The following CNOT4 variants were observed in gnomAD, a reference collection of about 807,000 sequenced individuals.
CNOT4 encodes CCR4-NOT transcription complex subunit 4.
CNOT4 carries 8 observed loss-of-function variants against 73.8 expected under a neutral mutation model. The observed-to-expected ratio is 0.11, with a 90% CI of 0.06 to 0.20. The LOEUF is 0.20. CNOT4 is among the 10% of genes least tolerant of loss of function. The pLI is 1.00. For synonymous variants in CNOT4, 293 were observed against 321.1 expected (o/e 0.91, Z 0.94); for missense variants, 564 against 883.4 (o/e 0.64, Z 4.58).
At chr7:135,429,265 G>T (rs1798684067) in intron 2 of CNOT4, among the ~76,000 whole-genome samples, 1 of 151,978 alleles carries the variant, frequency 6.6e-6, no homozygotes, top group Non-Finnish European at 1.5e-5. Flanking sequence ...TCTTTCCTAT[G>T]ATTTCCATTT....
At chr7:135,472,065 T>TG (rs1278870299) in intron 1 of CNOT4, among the ~76,000 whole-genome samples, 9 of 151,172 alleles carry the variant, frequency 6.0e-5, no homozygotes, top group Admixed American at 5.3e-4. Flanking sequence ...CCCAGCTACT[T>TG]GGGGGGCTGA....
chr7:135,497,341 G>A (rs529993666), intron 1 of CNOT4, among the ~76,000 whole-genome samples: 1 of 152,066 alleles, frequency 6.6e-6, no homozygotes, highest in South Asian at 2.1e-4. Flanking sequence ...CCCAGGAGGC[G>A]GAGGTTGTGG....
intron 1 of CNOT4, among the ~76,000 whole-genome samples, chr7:135,454,707 C>T (rs1486967106): frequency 1.3e-5 from 2 of 151,722 alleles, no homozygotes; most frequent in Admixed American, 6.6e-5. Flanking sequence ...GCCTGGGCAA[C>T]GTGGTGAAAC....
At chr7:135,468,063 A>C (rs1393427099) in intron 1 of CNOT4, among the ~76,000 whole-genome samples, 2 of 151,838 alleles carry the variant, frequency 1.3e-5, no homozygotes, top group East Asian at 3.9e-4. Context: ...AAAATACAAA[A>C]AAATTAGCCA....
intron 10 of CNOT4, among the ~76,000 whole-genome samples, chr7:135,392,268 T>G (rs59150414): frequency 6.6e-6 from 1 of 152,102 alleles, no homozygotes. Context: ...AACTATACTT[T>G]AAGTATGTGG....
At chr7:135,388,789 T>C (rs1458255303) in intron 10 of CNOT4, 1 of 1,612,154 alleles carries the variant, frequency 6.2e-7, no homozygotes, top group South Asian at 1.1e-5. Context: ...CTCTCAGTTC[T>C]GTTGTCAGGC....
At chr7:135,387,892 T>A (rs1298548998) in intron 10 of CNOT4, 5 of 965,514 alleles carry the variant, frequency 5.2e-6, no homozygotes, top group Non-Finnish European at 4.9e-6. Flanking sequence ...AGTCTCATTC[T>A]GGTCAGGTAC....
chr7:135,508,573 C>T (rs1447803987), intron 1 of CNOT4, among the ~76,000 whole-genome samples: 1 of 152,078 alleles, frequency 6.6e-6, no homozygotes, highest in Non-Finnish European at 1.5e-5. Context: ...TAACTATCAT[C>T]CTAGAAATGT....
At chr7:135,373,613 T>C (rs1446966765) in intron 10 of CNOT4, among the ~76,000 whole-genome samples, 2 of 152,236 alleles carry the variant, frequency 1.3e-5, no homozygotes, top group African/African-American at 4.8e-5. Flanking sequence ...AGTCTTGCTC[T>C]GTCACCTAGG....
intron 2 of CNOT4, among the ~76,000 whole-genome samples, chr7:135,437,513 T>C (rs1799229293): frequency 6.6e-6 from 1 of 152,188 alleles, no homozygotes; most frequent in African/African-American, 2.4e-5. Context: ...AATAATACAA[T>C]AGTTCAGAAC....
At chr7:135,411,145 G>C (rs539396800) in intron 6 of CNOT4, among the ~76,000 whole-genome samples, 20 of 151,968 alleles carry the variant, frequency 1.3e-4, no homozygotes, top group Non-Finnish European at 2.2e-4. Flanking sequence ...TCATTATCTT[G>C]ACACTAAGTA....
intron 1 of CNOT4, among the ~76,000 whole-genome samples, chr7:135,486,250 C>G (rs1010354362): frequency 6.6e-6 from 1 of 151,856 alleles, no homozygotes; most frequent in Admixed American, 6.6e-5. Context: ...ACAAAAGACA[C>G]AAACAGACAA....
intron 10 of CNOT4, among the ~76,000 whole-genome samples, chr7:135,381,340 T>A (rs1345411200): frequency 1.3e-5 from 2 of 152,186 alleles, no homozygotes; most frequent in Non-Finnish European, 2.9e-5. Flanking sequence ...CTAAACAAAC[T>A]CTTACAGAAG....
At chr7:135,488,040 G>T (rs569344465) in intron 1 of CNOT4, among the ~76,000 whole-genome samples, 8 of 150,974 alleles carry the variant, frequency 5.3e-5, no homozygotes, top group African/African-American at 2.0e-4. Context: ...CAGCCTGGGC[G>T]ACAGAGTGAG....
chr7:135,418,371 C>T (rs1367312997), intron 3 of CNOT4, among the ~76,000 whole-genome samples: 2 of 152,166 alleles, frequency 1.3e-5, no homozygotes, highest in Non-Finnish European at 2.9e-5. Context: ...ATGTCCTTCA[C>T]AGTGGGCCAA....
At chr7:135,402,112 CTT>C (rs71531849) in intron 7 of CNOT4, among the ~76,000 whole-genome samples, 15 of 142,242 alleles carry the variant, frequency 1.1e-4, no homozygotes, top group Admixed American at 1.4e-4. Flanking sequence ...AAGACTATAT[CTT>C]TTTTTTTTTT....
At chr7:135,490,453 C>T (rs1395047713) in intron 1 of CNOT4, among the ~76,000 whole-genome samples, 3 of 152,184 alleles carry the variant, frequency 2.0e-5, no homozygotes, top group African/African-American at 7.2e-5. Context: ...GAAGTAACAA[C>T]AGACCTCTTC....
At chr7:135,375,293 G>A (rs1348977539) in intron 10 of CNOT4, among the ~76,000 whole-genome samples, 1 of 152,206 alleles carries the variant, frequency 6.6e-6, no homozygotes, top group Non-Finnish European at 1.5e-5. Flanking sequence ...TCAAAGAAGT[G>A]AGGATGTTTG....
chr7:135,364,079 CCAA>C lies in CNOT4; in HGVS notation c.1628-16_1628-14del. On this transcript the variant is annotated splice_polypyrimidine_tract_variant and intron_variant, in intron 10 of 11. Transcript: ENST00000541284. This position sits in a 1 kb window ranked among gnomAD's most constrained non-coding sequence, Gnocchi z 4.3. The stretch of plus-strand genomic sequence containing the variant: ...GAACTGCTGTTGTCTGGGAGATTTA[CCAA>C]CAAAAAAATGAAAGATAAAAAAAAA... 3 of 1,526,204 alleles carry C rather than the reference CCAA, an allele frequency of 2.0e-6. No individual in the cohort carries two copies. Among genetic ancestry groups the C allele is most frequent in the Non-Finnish European group, 2.6e-6 (3 of 1,135,066 alleles). 94.5% of individuals were successfully genotyped at this position (1,526,204 alleles called of 1,614,324 possible). A position where few individuals can be genotyped will look rare whatever the true frequency, so the allele number is the denominator to read the frequency against.
Sources: gnomAD v4.1 joint callset for allele counts (sites outside exome capture counted in the v4.1 genomes callset) on GRCh38, gnomAD v4.1.1 for gene constraint, Gnocchi (gnomAD v3.1) non-coding constraint, MANE v1.5 for transcripts, NCBI Gene and HGNC (gene_info 2026-07-23, HGNC 2026-07-21) for gene names.